The following PSMB1 variants were observed in gnomAD, a reference collection of about 807,000 sequenced individuals.
The protein encoded by PSMB1 is proteasome 20S subunit beta 1.
In PSMB1, 7 loss-of-function variants were observed where a neutral mutation model predicts 25.4. That is an observed-to-expected ratio of 0.28 (90% CI 0.16 to 0.52). The LOEUF (loss-of-function observed/expected upper bound fraction) is 0.52, where lower values mean the gene tolerates loss of function less well. Among genes scored for constraint, PSMB1 ranks in the 20% least tolerant of loss-of-function variants. The pLI, the probability that PSMB1 is intolerant of heterozygous loss-of-function variation, is 0.97. For synonymous variants in PSMB1, 119 were observed against 115.0 expected (o/e 1.03, Z -0.22); for missense variants, 284 against 302.2 (o/e 0.94, Z 0.45).
chr6:170,538,225 C>G (rs1300273802), intron 4 of PSMB1, among the ~76,000 whole-genome samples: 3 of 152,142 alleles, frequency 2.0e-5, no homozygotes, highest in African/African-American at 7.2e-5. Context: ...TAAAAACAAC[C>G]GTGTTCTGGG....
intron 4 of PSMB1, among the ~76,000 whole-genome samples, chr6:170,542,211 T>C (rs1325738152): frequency 6.6e-6 from 1 of 152,208 alleles, no homozygotes; most frequent in Non-Finnish European, 1.5e-5. Flanking sequence ...ATGATCAGAA[T>C]GTTCCCCAAG....
At chr6:170,548,464 C>T (rs1778850315) in intron 2 of PSMB1, among the ~76,000 whole-genome samples, 1 of 150,490 alleles carries the variant, frequency 6.6e-6, no homozygotes, top group South Asian at 2.1e-4. Context: ...GAGCTGTGGA[C>T]ATAATTGCTT....
chr6:170,545,137 T>C (rs374403201), intron 3 of PSMB1, among the ~76,000 whole-genome samples: 3 of 147,764 alleles, frequency 2.0e-5, no homozygotes, highest in African/African-American at 7.6e-5. Flanking sequence ...AGAGTGAAAC[T>C]CTGTCTCAAA....
Position 170,553,275 on chromosome 6 carries a change from T to A in PSMB1, c.-33A>T. ...CTGCGCCTGCGGATCCGACACTTGCTGTCTCACGGCGAGATGGCTGCCTTG... is the reference window on the plus strand; with the variant it reads ...CTGCGCCTGCGGATCCGACACTTGCAGTCTCACGGCGAGATGGCTGCCTTG... On this transcript the variant is annotated 5_prime_UTR_variant, in exon 1 of 6. Transcript: ENST00000262193. 1 of 1,528,622 alleles carries A rather than the reference T, an allele frequency of 6.5e-7. No individual in the cohort carries two copies. The highest frequency in any genetic ancestry group is 9.0e-7 in the Non-Finnish European group (1 of 1,112,344). 94.7% of individuals were successfully genotyped at this position (1,528,622 alleles called of 1,614,324 possible).
chr6:170,547,483 G>A (rs977913924), intron 2 of PSMB1, among the ~76,000 whole-genome samples: 7 of 152,160 alleles, frequency 4.6e-5, no homozygotes, highest in East Asian at 1.9e-4. Flanking sequence ...GGAAACTTAC[G>A]AATGACTCGC....
chr6:170,538,938 G>C lies in PSMB1; in HGVS notation c.434-1598C>G, dbSNP rs372962951. Among the ~76,000 whole-genome samples the C allele has an allele frequency of 1.2e-4, 19 of 152,160 alleles. No individual in the cohort carries two copies. The East Asian group carries it at 2.7e-3, about 22-fold the overall frequency. ...GCCACAAGTAAACTGAGGCCCAAAA[G>C]CTTTACCCAAGGATGGAACCAATCT... is the stretch of plus-strand genomic sequence containing the variant. On this transcript the variant is annotated intron_variant, in intron 4 of 5. Transcript: ENST00000262193.
At chr6:170,537,675 G>A (rs1334175409) in intron 4 of PSMB1, among the ~76,000 whole-genome samples, 1 of 152,162 alleles carries the variant, frequency 6.6e-6, no homozygotes, top group Non-Finnish European at 1.5e-5. Context: ...GAGGGAGAAA[G>A]GCATTTTTAT....
In PSMB1 at chr6:170,535,251, C is replaced by T. The variant is rs779314264; in HGVS notation, c.695G>A (p.Arg232Lys). 3 of 1,614,164 alleles carry T rather than the reference C, an allele frequency of 1.9e-6. No homozygotes were observed. The highest frequency in any genetic ancestry group is 2.5e-6 in the Non-Finnish European group (3 of 1,180,036). ...RICIVTKEGI[R>K]EETVSLRKD ...CTTCCTTAAGGAAACAGTTTCCTCC[C>T]TGATGCCCTCTTTGGTCACTATGCA... The change falls in exon 6 of 6, where the codon AGG (arginine) becomes AAG (lysine). Residue 232 changes from arginine (R) to lysine (K), a missense_variant. Physicochemically the swap from Arg to Lys is conservative, Grantham distance 26. Transcript: ENST00000262193.
rs2114975563 is a variant in PSMB1 at position 170,539,195 on chromosome 6, A to G, written c.434-1855T>C. On this transcript the variant is annotated intron_variant, in intron 4 of 5. Coordinates refer to ENST00000262193, the MANE Select transcript of PSMB1 (RefSeq NM_002793.4). ...AAATCCAAAAAGCACAATCATTTCAATGTAAAAAATAAAATCAGACAAGTC... is the reference window on the plus strand; with the variant it reads ...AAATCCAAAAAGCACAATCATTTCAGTGTAAAAAATAAAATCAGACAAGTC... 2.0e-5 allele frequency among the ~76,000 whole-genome samples: 3 copies of G among 152,378 alleles called. No individual in the cohort carries two copies. In the South Asian group the frequency reaches 6.2e-4, roughly 32 times the overall value.
Position 170,541,878 on chromosome 6 carries a change from G to A in PSMB1, c.433+1723C>T, listed in dbSNP as rs559330273. 2.6e-4 allele frequency among the ~76,000 whole-genome samples: 40 copies of A among 152,248 alleles called. 1 individual carries two copies. In the South Asian group the frequency reaches 6.8e-3, roughly 26 times the overall value. ...TCCCAGATTAGACTCTCTAACTCTCGGAAAAACTCAAAGGATGCTGTCTGG... is the reference window on the plus strand; with the variant it reads ...TCCCAGATTAGACTCTCTAACTCTCAGAAAAACTCAAAGGATGCTGTCTGG... On this transcript the variant is annotated intron_variant, in intron 4 of 5. Coordinates refer to ENST00000262193, the MANE Select transcript of PSMB1 (RefSeq NM_002793.4).
chr6:170,540,612 A>AAAC (rs1778747772), intron 4 of PSMB1, among the ~76,000 whole-genome samples: 1 of 135,436 alleles, frequency 7.4e-6, no homozygotes, highest in Non-Finnish European at 1.6e-5. Flanking sequence ...AAAAAAAAAA[A>AAAC]ATCAGAGATT....
chr6:170,546,336 C>A (rs1778818393), intron 2 of PSMB1, 152 bp from the exon 3 acceptor site: 1 of 620,222 alleles, frequency 1.6e-6, no homozygotes, highest in Admixed American at 2.9e-5. Flanking sequence ...GGTCTGTATT[C>A]CATCTTACCC....
intron 4 of PSMB1, among the ~76,000 whole-genome samples, chr6:170,538,682 G>A (rs1583112908): frequency 1.3e-5 from 2 of 152,158 alleles, no homozygotes; most frequent in African/African-American, 4.8e-5. Context: ...CTGGGCAACA[G>A]AGCGAGACTT....
intron 4 of PSMB1, among the ~76,000 whole-genome samples, chr6:170,538,570 G>A (rs767041664): frequency 6.6e-6 from 1 of 152,160 alleles, no homozygotes; most frequent in African/African-American, 2.4e-5. Flanking sequence ...ATGGTGGCAC[G>A]TGCCTCTATT....
chr6:170,546,157 G>A lies in PSMB1; in HGVS notation c.249C>T (p.Ser83=), dbSNP rs759700520. ...KLTDKTVIGC[S]GFHGDCLTLT... is the part of the protein sequence containing the mutation. ...GCGTAAGACAGTCTCCATGAAAACC[G>A]CTGCATCCAATGACTGTTTTGTCTG... The change falls in exon 3 of 6, where the codon AGC becomes AGT. Residue 83 remains serine (S), a synonymous_variant. Transcript: ENST00000262193. 31 of 1,613,690 alleles carry A rather than the reference G, an allele frequency of 1.9e-5. 1 individual carries two copies. Among genetic ancestry groups the A allele is most frequent in the East Asian group, 8.9e-5 (4 of 44,858 alleles).
chr6:170,537,077 T>C (rs924377952), intron 5 of PSMB1, among the ~76,000 whole-genome samples, 157 bp downstream of exon 5: 3 of 152,178 alleles, frequency 2.0e-5, no homozygotes, highest in Non-Finnish European at 4.4e-5. Context: ...GAGGTTTCTG[T>C]AGGACACGTC....
chr6:170,544,411 C>T (rs939873040), intron 3 of PSMB1, among the ~76,000 whole-genome samples: 1 of 152,126 alleles, frequency 6.6e-6, no homozygotes, highest in Non-Finnish European at 1.5e-5. Context: ...CTTAGCATGA[C>T]AATACAGTGA....
chr6:170,536,180 G>C (rs1001267252), intron 5 of PSMB1: 1 of 321,714 alleles, frequency 3.1e-6, no homozygotes, highest in Non-Finnish European at 6.2e-6. Context: ...TTGGAGACTC[G>C]CAACACTTTG....
intron 1 of PSMB1, 175 bp from the exon 2 acceptor site, chr6:170,549,288 C>T: frequency 2.0e-6 from 1 of 499,446 alleles, no homozygotes; most frequent in East Asian, 3.1e-5. Flanking sequence ...TACGAGTTGT[C>T]TGGGAAAAAA....
Sources: allele counts gnomAD v4.1 joint callset (sites outside exome capture counted in the v4.1 genomes callset), GRCh38; gene constraint gnomAD v4.1.1; transcripts MANE v1.5; gene names NCBI Gene and HGNC (gene_info 2026-07-23, HGNC 2026-07-21).